SMYD3: variants seen among roughly 807,000 people sequenced by gnomAD.
SMYD3 encodes the protein SET and MYND domain containing 3.
In SMYD3, 36 loss-of-function variants were observed where a neutral mutation model predicts 57.7. The observed-to-expected ratio is 0.62, with a 90% confidence interval of 0.48 to 0.82. The LOEUF is 0.82. Ranked by LOEUF, SMYD3 falls within the 40% of genes least tolerant of loss-of-function variation. The pLI is 0.00. For synonymous variants in SMYD3, 211 were observed against 195.0 expected, an observed-to-expected ratio of 1.08 and a Z score of -0.68; for missense variants, 515 against 538.8, an observed-to-expected ratio of 0.96 and a Z score of 0.44.
intron 5 of SMYD3, among the ~76,000 whole-genome samples, chr1:246,232,161 G>A (rs1008338159): frequency 1.8e-4 from 23 of 130,900 alleles, no homozygotes; most frequent in Non-Finnish European, 3.4e-4. Context: ...AAGCTCTTTT[G>A]TGACATGAAG....
chr1:246,225,134 G>A (rs577205808), intron 5 of SMYD3, among the ~76,000 whole-genome samples: 3 of 151,582 alleles, frequency 2.0e-5, no homozygotes, highest in African/African-American at 4.8e-5. Context: ...TTTATTTAAC[G>A]AGAAAGAAAG....
chr1:245,763,113 G>A (rs956843466), intron 11 of SMYD3, among the ~76,000 whole-genome samples: 8 of 152,204 alleles, frequency 5.3e-5, no homozygotes, highest in Admixed American at 3.9e-4. Flanking sequence ...ACTAACCATC[G>A]TGTTTTAACA....
At chr1:246,018,676 G>C (rs569040182) in intron 5 of SMYD3, among the ~76,000 whole-genome samples, 7 of 150,998 alleles carry the variant, frequency 4.6e-5, no homozygotes, top group African/African-American at 1.7e-4. Context: ...AAAAATCACA[G>C]CTCACTGCAG....
At chr1:246,359,534 T>C (rs1414305764) in intron 1 of SMYD3, among the ~76,000 whole-genome samples, 2 of 152,122 alleles carry the variant, frequency 1.3e-5, no homozygotes, top group Non-Finnish European at 2.9e-5. Flanking sequence ...CAGACCAATA[T>C]TCCTGATGAC....
chr1:246,395,699 T>TGGTCAGACAGGGAAGAGGAACCCACCAC (rs1572458397), intron 1 of SMYD3, among the ~76,000 whole-genome samples: 4 of 35,758 alleles, frequency 1.1e-4, no homozygotes, highest in African/African-American at 2.0e-4. Context: ...GAACCCACCA[T>TGGTCAGACAGGGAAGAGGAACCCACCAC]GGCTGGACAG....
intron 5 of SMYD3, among the ~76,000 whole-genome samples, chr1:246,305,073 T>C (rs1148718): frequency 4.6e-5 from 7 of 152,344 alleles, no homozygotes; most frequent in African/African-American, 1.7e-4. Flanking sequence ...TGTGTTACTT[T>C]ACAATCTATT....
chr1:245,767,947 T>G (rs1316384), intron 10 of SMYD3, among the ~76,000 whole-genome samples: 2 of 151,998 alleles, frequency 1.3e-5, no homozygotes, highest in Non-Finnish European at 2.9e-5. Context: ...ATACTTGAGG[T>G]AGGATAGCAG....
At chr1:246,465,414 G>A (rs115241893) in intron 1 of SMYD3, among the ~76,000 whole-genome samples, 7 of 152,308 alleles carry the variant, frequency 4.6e-5, no homozygotes, top group African/African-American at 7.2e-5. Flanking sequence ...AAAACATAGC[G>A]GCATCTACTT....
intron 10 of SMYD3, among the ~76,000 whole-genome samples, chr1:245,822,265 G>T (rs1429692303): frequency 6.6e-6 from 1 of 151,528 alleles, no homozygotes; most frequent in East Asian, 1.9e-4. Context: ...GATGAAATTG[G>T]AAATCATCAT....
chr1:246,255,979 T>TAGATAGATAGACAGAC lies in SMYD3; in HGVS notation c.531+71221_531+71222insGTCTGTCTATCTATCT, dbSNP rs1553320462. Among the ~76,000 whole-genome samples the TAGATAGATAGACAGAC allele has an allele frequency of 2.6e-3, 387 of 147,754 alleles. 1 individual carries two copies. Among genetic ancestry groups the TAGATAGATAGACAGAC allele is most frequent in the Admixed American group, 5.0e-3 (73 of 14,716 alleles). On this transcript the variant is annotated intron_variant, in intron 5 of 11. Transcript: ENST00000490107. ...ATAGATAGATAGATAGATAGATAGA[T>TAGATAGATAGACAGAC]AGATAGATACACACACACATACATA...
chr1:246,469,866 C>T (rs1424139023), intron 1 of SMYD3, among the ~76,000 whole-genome samples: 1 of 152,214 alleles, frequency 6.6e-6, no homozygotes, highest in Admixed American at 6.5e-5. Context: ...AAAACAGTAA[C>T]TACTCACCCA....
intron 10 of SMYD3, among the ~76,000 whole-genome samples, chr1:245,783,519 T>C (rs548422785): frequency 6.6e-6 from 1 of 152,076 alleles, no homozygotes; most frequent in Non-Finnish European, 1.5e-5. Context: ...ATACTCATAT[T>C]GAACATAATA....
intron 5 of SMYD3, among the ~76,000 whole-genome samples, chr1:246,179,543 T>C (rs1193697073): frequency 1.3e-5 from 2 of 152,232 alleles, no homozygotes; most frequent in South Asian, 2.1e-4. Context: ...ATGTTTCTTA[T>C]GAGACAGCTG....
chr1:246,396,207 A>C (rs1179935465), intron 1 of SMYD3, among the ~76,000 whole-genome samples: 1 of 152,174 alleles, frequency 6.6e-6, no homozygotes, highest in Non-Finnish European at 1.5e-5. Context: ...GACAGAAATA[A>C]ATTAGCTTTT....
intron 10 of SMYD3, among the ~76,000 whole-genome samples, chr1:245,804,573 A>C (rs1484875726): frequency 6.6e-6 from 1 of 152,210 alleles, no homozygotes; most frequent in Non-Finnish European, 1.5e-5. Flanking sequence ...AAAAACAAAA[A>C]CAAAAAAACT....
chr1:246,187,846 T>A (rs1288748909), intron 5 of SMYD3, among the ~76,000 whole-genome samples: 1 of 152,074 alleles, frequency 6.6e-6, no homozygotes, highest in African/African-American at 2.4e-5. Context: ...TTTTGAAGCA[T>A]TAGTTTCATG....
At chr1:246,116,431 AG>A (rs2061343389) in intron 5 of SMYD3, among the ~76,000 whole-genome samples, 1 of 152,242 alleles carries the variant, frequency 6.6e-6, no homozygotes, top group Non-Finnish European at 1.5e-5. Context: ...GATTTGGAAC[AG>A]AACTGCAGCT....
chr1:245,825,162 C>T lies in SMYD3; in HGVS notation c.1076+33334G>A, dbSNP rs2049412899. Among the ~76,000 whole-genome samples, 4 of 152,168 alleles carry T rather than the reference C, an allele frequency of 2.6e-5. No individual in the cohort carries two copies. In the South Asian group the frequency reaches 8.3e-4, roughly 32 times the overall value. On this transcript the variant is annotated intron_variant, in intron 10 of 11. Transcript: ENST00000490107. ...GTGAGAATGCAGCTTTGCCTTAAGACAGACATTAAAGGAAGAAATTCCACC... is the reference window on the plus strand; with the variant it reads ...GTGAGAATGCAGCTTTGCCTTAAGATAGACATTAAAGGAAGAAATTCCACC...
intron 1 of SMYD3, among the ~76,000 whole-genome samples, chr1:246,411,529 T>C (rs1264134163): frequency 6.6e-6 from 1 of 152,176 alleles, no homozygotes; most frequent in Non-Finnish European, 1.5e-5. Flanking sequence ...CGCACACATA[T>C]GTTTATTGTG....
Sources: allele counts gnomAD v4.1 joint callset (sites outside exome capture counted in the v4.1 genomes callset), GRCh38; gene constraint gnomAD v4.1.1; transcripts MANE v1.5; gene names NCBI Gene and HGNC (gene_info 2026-07-23, HGNC 2026-07-21).